Variants in TRPV3 observed in about 807,000 individuals in gnomAD.
TRPV3 encodes the protein transient receptor potential cation channel subfamily V member 3.
A neutral mutation model predicts 87.1 loss-of-function variants in TRPV3; 88 were observed. The ratio of observed to expected loss-of-function variants is 1.01; its 90% CI spans 0.85 to 1.21. TRPV3 has a LOEUF of 1.21. Ranked by LOEUF, TRPV3 falls within the 50% of genes most tolerant of loss-of-function variation. TRPV3 has a pLI of 0.00. For missense variants in TRPV3, 1,054 were observed against 1,030.1 expected (o/e 1.02, Z -0.32); for synonymous variants, 438 against 423.3 (o/e 1.03, Z -0.43).
Position 3,528,771 on chromosome 17 carries a change from G to C in TRPV3, c.1401+66C>G, listed in dbSNP as rs1013921352. Reference sequence around the variant, plus strand: ...TGGGCCTCAGTTTTCCCACCTGCACGTGGGGCAGCTCCAAGCCCCTCCAGC... The same window carrying C: ...TGGGCCTCAGTTTTCCCACCTGCACCTGGGGCAGCTCCAAGCCCCTCCAGC... On this transcript the variant is annotated intron_variant, in intron 10 of 17. Transcript: ENST00000576742. This position sits in a 1 kb window ranked among gnomAD's most constrained non-coding sequence, Gnocchi z 4.2. 17 of 1,587,116 alleles carry C rather than the reference G, an allele frequency of 1.1e-5. No individual in the cohort carries two copies. The highest frequency in any genetic ancestry group is 1.5e-5 in the Non-Finnish European group (17 of 1,163,634).
rs1349642694 is a variant in TRPV3, at chr17:3,535,572, C to A, written c.784+1G>T. The A allele has an allele frequency of 6.3e-7, 1 of 1,596,746 alleles. No individual in the cohort carries two copies. The highest frequency in any genetic ancestry group is 1.1e-5 in the South Asian group (1 of 89,092). ...CCGCACCGGGCGGGGGCGGCACCCA[C>A]CGAAGTAGAAGCCTTCGTGTTGGTA... is the stretch of plus-strand genomic sequence containing the variant. On this transcript the variant is annotated splice_donor_variant, in intron 7 of 17. Transcript: ENST00000576742. LOFTEE classifies it high-confidence loss of function.
chr17:3,549,685 T>A (rs1258933623), intron 2 of TRPV3, among the ~76,000 whole-genome samples: 2 of 146,770 alleles, frequency 1.4e-5, no homozygotes, highest in Non-Finnish European at 3.0e-5. Flanking sequence ...ATGGAATGGG[T>A]AGATGAGTGG....
At chr17:3,524,482 G>A in intron 12 of TRPV3, 119 bp from the exon 13 acceptor site, 2 of 1,262,292 alleles carry the variant, frequency 1.6e-6, no homozygotes, top group Non-Finnish European at 2.2e-6. Flanking sequence ...GACGGATGCT[G>A]AAGAGACCAG....
rs150563808 is a variant in TRPV3 at position 3,557,124 on chromosome 17, G to A, written c.-3+552C>T. Among the ~76,000 whole-genome samples, 4 of 152,122 alleles carry A rather than the reference G, an allele frequency of 2.6e-5. No homozygotes were observed. The highest frequency in any genetic ancestry group is 1.9e-4 in the East Asian group (1 of 5,160). The stretch of plus-strand genomic sequence containing the variant: ...CCCTGAGTCACCCCGTAAACCCCAC[G>A]TTCTCACCTGCTGGACTCTCTTGTT... On this transcript the variant is annotated intron_variant, in intron 1 of 17. Coordinates refer to ENST00000576742, the MANE Select transcript of TRPV3 (RefSeq NM_145068.4). The surrounding 1 kb of genome is among the most constrained non-coding windows in gnomAD (Gnocchi z 4.5).
intron 6 of TRPV3, 37 bp downstream of exon 6, chr17:3,542,485 G>A: frequency 6.3e-7 from 1 of 1,595,352 alleles, no homozygotes. Flanking sequence ...CACCCTCAGA[G>A]ACTCCTGTCT....
In TRPV3 at chr17:3,528,936, C is replaced by T. The variant is rs756463986; in HGVS notation, c.1302G>A (p.Lys434=). 2 of 1,614,110 alleles carry T rather than the reference C, an allele frequency of 1.2e-6. No individual in the cohort carries two copies. Among genetic ancestry groups the T allele is most frequent in the African/African-American group, 1.3e-5 (1 of 74,936 alleles). The change falls in exon 10 of 18, where the codon AAG becomes AAA. Residue 434 remains lysine, a synonymous_variant. Transcript: ENST00000576742. This position sits in a 1 kb window ranked among gnomAD's most constrained non-coding sequence, Gnocchi z 4.2. ...PLHTLLHMKW[K]KFAKHMFFLS... ...GAAAGAACATGTGCTTGGCAAACTT[C>T]TTCCACTTCATATGCAGCAGCGTGT...
Position 3,513,072 on chromosome 17 carries a change from C to A in TRPV3, c.*845G>T. The A allele has an allele frequency of 6.6e-6, 1 of 152,638 alleles. No homozygotes were observed. Among genetic ancestry groups the A allele is most frequent in the Non-Finnish European group, 1.5e-5 (1 of 68,074 alleles). 9.5% of individuals were successfully genotyped at this position (152,638 alleles called of 1,614,324 possible). On this transcript the variant is annotated 3_prime_UTR_variant, in exon 18 of 18. Coordinates refer to ENST00000576742, the MANE Select transcript of TRPV3 (RefSeq NM_145068.4). ...ACTTGCCCGGAGTGTCTCATGCAGA[C>A]TTTTGTGTGTGTGAAGAAAAGCTTT...
chr17:3,533,016 T>C (rs2074363393), intron 7 of TRPV3, 79 bp from the exon 8 acceptor site: 3 of 1,524,686 alleles, frequency 2.0e-6, no homozygotes, highest in Non-Finnish European at 2.7e-6. Flanking sequence ...CTGGGGCCCA[T>C]ATCCTATCTC....
chr17:3,536,718 G>A lies in TRPV3; in HGVS notation c.644-1005C>T, dbSNP rs76659885. Among the ~76,000 whole-genome samples, 490 of 152,314 alleles carry A rather than the reference G, an allele frequency of 3.2e-3. 2 individuals are homozygous for A. The highest frequency in any genetic ancestry group is 0.011 in the African/African-American group (443 of 41,566). ...AAGAGCCTTCAGGATGCCCGGCTGG[G>A]AAGAAGGGTGTCTCAGGTAAGATCT... On this transcript the variant is annotated intron_variant, in intron 6 of 17. Coordinates refer to ENST00000576742, the MANE Select transcript of TRPV3 (RefSeq NM_145068.4).
chr17:3,550,347 G>A (rs2074562232), intron 2 of TRPV3, among the ~76,000 whole-genome samples: 2 of 151,970 alleles, frequency 1.3e-5, no homozygotes, highest in Non-Finnish European at 2.9e-5. Flanking sequence ...GGTCCAGAAA[G>A]CCATATCACA....
intron 2 of TRPV3, among the ~76,000 whole-genome samples, chr17:3,546,989 G>A (rs566563964): frequency 4.0e-5 from 4 of 100,196 alleles, no homozygotes; most frequent in Non-Finnish European, 8.1e-5. Context: ...ACTGGGTCTG[G>A]GTGACTCTCC....
rs1170616841 is a variant in TRPV3 at position 3,524,248 on chromosome 17, A to G, written c.1693T>C (p.Tyr565His). The change falls in exon 13 of 18, where the codon TAT becomes CAT. Residue 565 changes from tyrosine to histidine, a missense_variant. Tyr to His is a moderately conservative substitution (Grantham distance 83). Transcript: ENST00000576742. ...CCCATGGACTGGAAACCCCGCGTAT[A>G]GTAGAGCATGTTCGCCCAGCCCAGG... ...MALGWANMLY[Y>H]TRGFQSMGMY... 6.2e-7 allele frequency: 1 copy of G among 1,614,158 alleles called. No individual in the cohort carries two copies. The highest frequency in any genetic ancestry group is 8.5e-7 in the Non-Finnish European group (1 of 1,180,052).
intron 7 of TRPV3, among the ~76,000 whole-genome samples, chr17:3,533,329 G>A (rs1023362210): frequency 4.6e-5 from 7 of 152,026 alleles, no homozygotes; most frequent in African/African-American, 7.3e-5. Context: ...GGGGGCCTTC[G>A]CTCGGCTGTC....
intron 7 of TRPV3, among the ~76,000 whole-genome samples, chr17:3,535,221 CTG>C (rs2074391406): frequency 1.6e-5 from 1 of 61,792 alleles, no homozygotes; most frequent in Non-Finnish European, 3.8e-5. Flanking sequence ...CTTCTGTCTC[CTG>C]CCTCCCTCCT....
chr17:3,517,798 C>T (rs2150779573), intron 15 of TRPV3, among the ~76,000 whole-genome samples: 1 of 140,178 alleles, frequency 7.1e-6, no homozygotes, highest in Admixed American at 8.0e-5. Context: ...CACCTTTTTC[C>T]AATGAGCATT....
At chr17:3,527,025 G>A in intron 11 of TRPV3, 98 bp from the exon 12 acceptor site, 2 of 953,976 alleles carry the variant, frequency 2.1e-6, no homozygotes, top group Non-Finnish European at 3.3e-6. Context: ...CTCAGTGAGG[G>A]TTGAATGCAC....
intron 7 of TRPV3, among the ~76,000 whole-genome samples, chr17:3,535,254 T>TCCTCCCTCTC (rs1555545150): frequency 7.6e-5 from 2 of 26,432 alleles, no homozygotes; most frequent in African/African-American, 1.2e-4. Flanking sequence ...CCCTCCTTAC[T>TCCTCCCTCTC]CCTCCTCCCT....
At chr17:3,524,470 GTGACGGATGC>G in intron 12 of TRPV3, 107 bp from the exon 13 acceptor site, 4 of 1,412,630 alleles carry the variant, frequency 2.8e-6, no homozygotes, top group Non-Finnish European at 3.8e-6. Flanking sequence ...AGTCACCCCG[GTGACGGATGC>G]TGAAGAGACC....
At position 3,533,080 on chromosome 17, in the gene TRPV3, G is replaced by C; in HGVS notation, c.785-143C>G. 4.1e-6 allele frequency: 4 copies of C among 978,078 alleles called. No homozygotes were observed. In the South Asian group the frequency reaches 6.6e-5, roughly 16 times the overall value. 60.6% of individuals were successfully genotyped at this position (978,078 alleles called of 1,614,324 possible). On this transcript the variant is annotated intron_variant, in intron 7 of 17. Coordinates refer to ENST00000576742, the MANE Select transcript of TRPV3 (RefSeq NM_145068.4). ...CCCTCTCCCCATCTTCCGCTTCTAC[G>C]GGGAAGAGTGAAGCTAGATCACTGC...
Sources: allele counts gnomAD v4.1 joint callset (sites outside exome capture counted in the v4.1 genomes callset), GRCh38; gene constraint gnomAD v4.1.1; non-coding constraint Gnocchi (gnomAD v3.1); transcripts MANE v1.5; gene names NCBI Gene and HGNC (gene_info 2026-07-23, HGNC 2026-07-21).